The following CDH23 variants were observed in gnomAD, a reference collection of about 807,000 sequenced individuals.
The protein encoded by CDH23 is cadherin related 23.
Under a neutral mutation model 317.1 loss-of-function variants are expected in CDH23, and 189 were observed. The observed-to-expected ratio is 0.60, with a 90% confidence interval of 0.53 to 0.67. The LOEUF is 0.67. CDH23 is among the 30% of genes least tolerant of loss of function. CDH23 has a pLI of 0.00. For synonymous variants in CDH23, 1,839 were observed against 1,876.8 expected (o/e 0.98, Z 0.52); for missense variants, 4,401 against 4,592.4 (o/e 0.96, Z 1.20).
chr10:71,793,369 C>T lies in CDH23; in HGVS notation c.6441C>T (p.Thr2147=), dbSNP rs761362372. Residue 2147 remains threonine (T), a synonymous_variant, in exon 48 of 70, where the codon ACC becomes ACT. Transcript: ENST00000224721. ...CCTACAGGCTAACGGTGGTGGCCAC[C>T]GACCGGGGCACCGTTCCTCTCTCGG... The part of the protein sequence containing the change: ...QESYRLTVVA[T]DRGTVPLSGT... 6 of 1,613,796 alleles carry T rather than the reference C, an allele frequency of 3.7e-6. No individual in the cohort carries two copies. The highest frequency in any genetic ancestry group is 3.3e-5 in the Admixed American group (2 of 59,990).
chr10:71,602,011 G>A (rs1203327753), intron 9 of CDH23, among the ~76,000 whole-genome samples: 3 of 151,820 alleles, frequency 2.0e-5, no homozygotes, highest in African/African-American at 2.4e-5. Context: ...TCGGTCATTC[G>A]GGCTGGTTCA....
chr10:71,496,824 G>GAATGGCAGCCTCGTA (rs1853001578), intron 3 of CDH23, among the ~76,000 whole-genome samples: 2 of 124,342 alleles, frequency 1.6e-5, no homozygotes, highest in Non-Finnish European at 3.7e-5. Context: ...TATGTGGTCT[G>GAATGGCAGCCTCGTA]GTGTACAGAT....
intron 14 of CDH23, among the ~76,000 whole-genome samples, chr10:71,661,741 C>T (rs1223878899): frequency 8.2e-6 from 1 of 122,344 alleles, no homozygotes; most frequent in African/African-American, 3.2e-5. Flanking sequence ...CCACCCTGCG[C>T]GCCCTCCCAC....
intron 11 of CDH23, among the ~76,000 whole-genome samples, chr10:71,637,264 A>T (rs1862320629): frequency 6.6e-6 from 1 of 152,094 alleles, no homozygotes; most frequent in Non-Finnish European, 1.5e-5. Flanking sequence ...CCAGGGTGGG[A>T]CTGGTGGGTC....
chr10:71,617,477 A>G, intron 11 of CDH23, 84 bp downstream of exon 11: 1 of 1,541,528 alleles, frequency 6.5e-7, no homozygotes, highest in Non-Finnish European at 8.7e-7. Context: ...GTCCTCAGCT[A>G]TAAAATAGAA....
intron 9 of CDH23, among the ~76,000 whole-genome samples, chr10:71,597,187 C>T (rs1040635554): frequency 6.6e-6 from 1 of 150,706 alleles, no homozygotes. Flanking sequence ...GGGCAGGAAC[C>T]GATGGCAGTC....
At chr10:71,559,973 G>A (rs1230880011) in intron 6 of CDH23, among the ~76,000 whole-genome samples, 4 of 152,140 alleles carry the variant, frequency 2.6e-5, no homozygotes, top group South Asian at 2.1e-4. Flanking sequence ...ATGGGCATTC[G>A]CCCCTCCTGC....
intron 6 of CDH23, among the ~76,000 whole-genome samples, chr10:71,529,353 C>G (rs1012264271): frequency 6.6e-6 from 1 of 152,132 alleles, no homozygotes; most frequent in Non-Finnish European, 1.5e-5. Context: ...GGAGCAGGGC[C>G]GCCCTCTGGG....
At chr10:71,461,245 A>G (rs1264883827) in intron 3 of CDH23, among the ~76,000 whole-genome samples, 4 of 152,188 alleles carry the variant, frequency 2.6e-5, no homozygotes, top group Non-Finnish European at 4.4e-5. Flanking sequence ...GAGCCTTGTT[A>G]GGTGGGATGG....
intron 55 of CDH23, among the ~76,000 whole-genome samples, chr10:71,804,517 G>A (rs1469946102): frequency 2.0e-5 from 3 of 152,182 alleles, no homozygotes; most frequent in Non-Finnish European, 4.4e-5. Context: ...TCCATGCTAA[G>A]TCCATCATGT....
At chr10:71,481,932 C>T (rs1324694887) in intron 3 of CDH23, among the ~76,000 whole-genome samples, 1 of 152,172 alleles carries the variant, frequency 6.6e-6, no homozygotes, top group East Asian at 1.9e-4. Flanking sequence ...TTTAGGTCAG[C>T]TTCCTGCTGA....
intron 15 of CDH23, among the ~76,000 whole-genome samples, 182 bp downstream of exon 15, chr10:71,675,358 A>C (rs1864315964): frequency 1.3e-5 from 2 of 152,196 alleles, no homozygotes; most frequent in Admixed American, 6.5e-5. Context: ...ATTGTGGCAC[A>C]GCCTTGGTCA....
chr10:71,469,097 G>A lies in CDH23; in HGVS notation c.145+22702G>A, dbSNP rs1475984017. On this transcript the variant is annotated intron_variant, in intron 3 of 69. Transcript: ENST00000224721. ...CTCTACCACTTTCGTTCCTTTTTCA[G>A]CCAAGCTCCTTTAAAGAAAAGCAAT... 2.6e-5 allele frequency among the ~76,000 whole-genome samples: 4 copies of A among 152,146 alleles called. No individual in the cohort carries two copies. In the East Asian group the frequency reaches 7.7e-4, roughly 29 times the overall value.
chr10:71,815,049 C>T lies in CDH23; in HGVS notation c.9836C>T (p.Pro3279Leu). Residue 3279 changes from proline to leucine, a missense_variant, in exon 70 of 70, where the codon CCC becomes CTC. Pro to Leu is a moderately conservative substitution (Grantham distance 98). Around this residue, in one of 3 missense-constraint regions of CDH23, gnomAD observed 1,144 missense variants for 1,138.2 expected, o/e 1.01. Transcript: ENST00000224721. ...AAGCCACCAGTGGAGCTCAAGGGGCCCGATGGGATCCATGTGGTGCACGGC... is the reference window on the plus strand; with the variant it reads ...AAGCCACCAGTGGAGCTCAAGGGGCTCGATGGGATCCATGTGGTGCACGGC... Reference protein sequence around the residue: ...RHKPPVELKGPDGIHVVHGST... With the variant: ...RHKPPVELKGLDGIHVVHGST... The T allele has an allele frequency of 6.2e-7, 1 of 1,612,362 alleles. No homozygotes were observed. Among genetic ancestry groups the T allele is most frequent in the Non-Finnish European group, 8.5e-7 (1 of 1,179,606 alleles).
intron 6 of CDH23, among the ~76,000 whole-genome samples, chr10:71,551,842 C>T (rs1384669404): frequency 6.6e-6 from 1 of 152,166 alleles, no homozygotes; most frequent in Non-Finnish European, 1.5e-5. Flanking sequence ...TCCCACAACC[C>T]CTGCGGCAGG....
chr10:71,815,258 CT>C lies in CDH23; in HGVS notation c.10046del (p.Leu3349ArgfsTer8). On this transcript the variant is annotated frameshift_variant, in exon 70 of 70. Transcript: ENST00000224721. LOFTEE classifies it high-confidence loss of function. The stretch of plus-strand genomic sequence containing the variant: ...TCGCGACGTGATCATGGAGACCCCC[CT>C]GGAGATCACAGAGCTGTGACTAGAC... ...KLRDVIMETP[L>X]EITEL The C allele has an allele frequency of 6.3e-7, 1 of 1,577,592 alleles. No homozygotes were observed. Among genetic ancestry groups the C allele is most frequent in the Non-Finnish European group, 8.6e-7 (1 of 1,157,396 alleles).
At position 71,421,385 on chromosome 10, in the gene CDH23, G is replaced by C. The variant is rs570802920; in HGVS notation, c.-5-18442G>C. 7.6e-4 allele frequency among the ~76,000 whole-genome samples: 116 copies of C among 152,346 alleles called. 1 individual carries two copies. Among genetic ancestry groups the C allele is most frequent in the Admixed American group, 6.2e-3 (95 of 15,306 alleles). On this transcript the variant is annotated intron_variant, in intron 1 of 69. Transcript: ENST00000224721. ...ACCTGTGTGCCTGGGGAGTGGGTGG[G>C]GGCATATGAGAAAGAGCCGAGTAAA... is the stretch of plus-strand genomic sequence containing the variant.
At chr10:71,716,441 G>T in intron 28 of CDH23, 1 of 968,666 alleles carries the variant, frequency 1.0e-6, no homozygotes, top group Non-Finnish European at 1.5e-6. Flanking sequence ...TGGGGGCAAG[G>T]CACTGTTAAA....
At chr10:71,399,843 G>A (rs1018975361) in intron 1 of CDH23, among the ~76,000 whole-genome samples, 40 of 151,984 alleles carry the variant, frequency 2.6e-4, no homozygotes, top group African/African-American at 9.2e-4. Context: ...CAGGGTTTCC[G>A]GAAGCTGGGT....
Sources: gnomAD v4.1 joint callset for allele counts (sites outside exome capture counted in the v4.1 genomes callset) on GRCh38, gnomAD v4.1.1 for gene constraint, gnomAD v4.1.1 regional missense constraint, MANE v1.5 for transcripts, NCBI Gene and HGNC (gene_info 2026-07-23, HGNC 2026-07-21) for gene names.